The following PLAGL1 variants were observed in gnomAD, a reference collection of about 807,000 sequenced individuals.
PLAGL1 encodes PLAG1 like zinc finger 1, also known as zinc finger protein PLAGL1.
In PLAGL1, 1 loss-of-function variant was observed where a neutral mutation model predicts 4.6. The observed-to-expected ratio is 0.22, with a 90% CI of 0.08 to 1.03. The LOEUF (loss-of-function observed/expected upper bound fraction) is 1.03. Ranked by LOEUF, PLAGL1 falls within the 50% of genes least tolerant of loss-of-function variation. The pLI is 0.58. For synonymous variants in PLAGL1, 240 were observed against 237.8 expected (o/e 1.01, Z -0.08); for missense variants, 464 against 570.4 (o/e 0.81, Z 1.90).
rs998840544 is a variant in PLAGL1, at chr6:144,004,034, A to G, written c.-584+4056T>C. Among the ~76,000 whole-genome samples the G allele has an allele frequency of 6.6e-6, 1 of 152,232 alleles. No homozygotes were observed. Among genetic ancestry groups the G allele is most frequent in the Admixed American group, 6.5e-5 (1 of 15,284 alleles). Reference sequence around the variant, plus strand: ...AATGAATAAGTAAATTGCTCATATTATATATCCACATAATGTAATACCGTA... The same window carrying G: ...AATGAATAAGTAAATTGCTCATATTGTATATCCACATAATGTAATACCGTA... On this transcript the variant is annotated intron_variant, in intron 1 of 7. Transcript: ENST00000674357. The surrounding 1 kb of genome is among the most constrained non-coding windows in gnomAD (Gnocchi z 4.2).
Position 143,958,458 on chromosome 6 carries a change from T to C in PLAGL1, c.-325+2011A>G, listed in dbSNP as rs915155360. Among the ~76,000 whole-genome samples the C allele has an allele frequency of 6.6e-6, 1 of 152,232 alleles. No individual in the cohort carries two copies. Among genetic ancestry groups the C allele is most frequent in the Non-Finnish European group, 1.5e-5 (1 of 68,044 alleles). ...AGTAAACTGTGTACATGCATGGTTATGTGAGAAAAGTGAAGCTGCTGCACC... is the reference window on the plus strand; with the variant it reads ...AGTAAACTGTGTACATGCATGGTTACGTGAGAAAAGTGAAGCTGCTGCACC... On this transcript the variant is annotated intron_variant, in intron 6 of 7. Coordinates refer to ENST00000674357, the MANE Select transcript of PLAGL1 (RefSeq NM_001317162.2). This position sits in a 1 kb window ranked among gnomAD's most constrained non-coding sequence, Gnocchi z 5.1.
intron 1 of PLAGL1, among the ~76,000 whole-genome samples, chr6:144,028,811 G>C: frequency 6.6e-6 from 1 of 152,144 alleles, no homozygotes. Flanking sequence ...TATCATCCAT[G>C]ATGCTGTATT....
chr6:144,001,317 T>G (rs909506053), intron 1 of PLAGL1, among the ~76,000 whole-genome samples: 4 of 151,780 alleles, frequency 2.6e-5, no homozygotes, highest in Admixed American at 6.6e-5. Flanking sequence ...TAAATAAATA[T>G]CCATCAATAT....
chr6:143,948,433 G>A lies in PLAGL1; in HGVS notation c.-297C>T. On this transcript the variant is annotated 5_prime_UTR_variant, in exon 7 of 8. The change creates a premature stop within an existing upstream ORF in the 5' untranslated region. Transcript: ENST00000674357. The surrounding 1 kb of genome is among the most constrained non-coding windows in gnomAD (Gnocchi z 6.0). ...AAAGGTAATCTGCATCACTATAGCT[G>A]GGGCATGTCCTGGGTCCCCCGGATT... 1 of 316,838 alleles carries A rather than the reference G, an allele frequency of 3.2e-6. No homozygotes were observed. Among genetic ancestry groups the A allele is most frequent in the Non-Finnish European group, 6.0e-6 (1 of 166,450 alleles). The allele number at this position is 316,838 out of a possible 1,614,324, so 19.6% of individuals were successfully genotyped here. A position where few individuals can be genotyped will look rare whatever the true frequency, so the allele number is the denominator to read the frequency against.
At chr6:144,018,486 A>G (rs1471696866) in intron 1 of PLAGL1, among the ~76,000 whole-genome samples, 1 of 152,210 alleles carries the variant, frequency 6.6e-6, no homozygotes, top group Non-Finnish European at 1.5e-5. Flanking sequence ...TCGTTAATAT[A>G]ATTTATTGTA....
intron 7 of PLAGL1, among the ~76,000 whole-genome samples, chr6:143,943,067 A>G (rs1779011181): frequency 8.9e-6 from 1 of 112,344 alleles, no homozygotes; most frequent in South Asian, 3.2e-4. Context: ...AGGTCTCACT[A>G]TACCCACGCT....
chr6:144,026,041 C>A (rs1796318072), intron 1 of PLAGL1, among the ~76,000 whole-genome samples: 1 of 152,152 alleles, frequency 6.6e-6, no homozygotes, highest in South Asian at 2.1e-4. Flanking sequence ...AAGAATTTCT[C>A]CAGTTTATCC....
At chr6:144,011,938 A>G (rs1795219232), upstream of PLAGL1, among the ~76,000 whole-genome samples, 1 of 152,186 alleles carries the variant, frequency 6.6e-6, no homozygotes, top group South Asian at 2.1e-4. This position sits in a 1 kb window ranked among gnomAD's most constrained non-coding sequence, Gnocchi z 4.3. Context: ...GTTCCTCAAC[A>G]TCTCACAGGT....
intron 1 of PLAGL1, among the ~76,000 whole-genome samples, chr6:144,019,994 C>A (rs545694680): frequency 6.6e-6 from 1 of 152,020 alleles, no homozygotes; most frequent in Non-Finnish European, 1.5e-5. Flanking sequence ...ATCATAATCC[C>A]CAATGTGATT....
At chr6:143,991,281 G>C (rs1452357500) in intron 1 of PLAGL1, among the ~76,000 whole-genome samples, 1 of 152,166 alleles carries the variant, frequency 6.6e-6, no homozygotes, top group African/African-American at 2.4e-5. Context: ...GACCAACTAA[G>C]TTCAAAGCTA....
At position 143,947,970 on chromosome 6, in the gene PLAGL1, G is replaced by T; in HGVS notation, c.152+15C>A. The T allele has an allele frequency of 1.9e-6, 3 of 1,609,598 alleles. No homozygotes were observed. The highest frequency in any genetic ancestry group is 2.6e-6 in the Non-Finnish European group (3 of 1,176,248). ...CGTACTTCTAAAAGTGCATACCTTT[G>T]CCAAAGCCTCTCACCTCATCAATTT... On this transcript the variant is annotated intron_variant, in intron 7 of 7. Transcript: ENST00000674357. This position sits in a 1 kb window ranked among gnomAD's most constrained non-coding sequence, Gnocchi z 4.3.
At position 144,031,004 on chromosome 6, in the gene PLAGL1, G is replaced by A. The variant is rs771155207; in HGVS notation, c.-151+33464C>T. ...ACAATATATGTGTTCCCTTTCCACC[G>A]CATCCACACCAACATCTGTATTTTT... On this transcript the variant is annotated intron_variant, in intron 1 of 3. Transcript: ENST00000437412. Among the ~76,000 whole-genome samples the A allele has an allele frequency of 3.6e-4, 54 of 151,170 alleles. 1 individual carries two copies. The highest frequency in any genetic ancestry group is 5.9e-4 in the Non-Finnish European group (40 of 67,676).
chr6:143,965,252 T>C lies in PLAGL1; in HGVS notation c.-430-434A>G, dbSNP rs1166220235. Reference sequence around the variant, plus strand: ...GTCACGTTATCCAAACAAATTCCACTTGAGTTCCGTGGCTGAATGTCTGAG... The same window carrying C: ...GTCACGTTATCCAAACAAATTCCACCTGAGTTCCGTGGCTGAATGTCTGAG... On this transcript the variant is annotated intron_variant, in intron 4 of 7. Coordinates refer to ENST00000674357, the MANE Select transcript of PLAGL1 (RefSeq NM_001317162.2). This position sits in a 1 kb window ranked among gnomAD's most constrained non-coding sequence, Gnocchi z 7.5. The C allele has an allele frequency of 6.6e-6, 1 of 152,168 alleles. No homozygotes were observed. Among genetic ancestry groups the C allele is most frequent in the Non-Finnish European group, 1.5e-5 (1 of 68,032 alleles). 9.4% of individuals were successfully genotyped at this position (152,168 alleles called of 1,614,324 possible).
At chr6:143,993,932 T>C (rs549851158) in intron 1 of PLAGL1, among the ~76,000 whole-genome samples, 1 of 152,082 alleles carries the variant, frequency 6.6e-6, no homozygotes, top group Non-Finnish European at 1.5e-5. Flanking sequence ...TCAGCTGAAG[T>C]CTTAAAACGA....
rs1799639108 is a variant in PLAGL1 at position 144,064,053 on chromosome 6, A to C, written c.-151+415T>G. On this transcript the variant is annotated intron_variant, in intron 1 of 3. Coordinates refer to the PLAGL1 transcript ENST00000437412. This position sits in a 1 kb window ranked among gnomAD's most constrained non-coding sequence, Gnocchi z 6.8. Reference sequence around the variant, plus strand: ...CGTCTGCGCAGACAGCCCCGCCCCCAGCCTCGGAGAGCACAGGACCCGGGA... The same window carrying C: ...CGTCTGCGCAGACAGCCCCGCCCCCCGCCTCGGAGAGCACAGGACCCGGGA... Among the ~76,000 whole-genome samples, 1 of 152,068 alleles carries C rather than the reference A, an allele frequency of 6.6e-6. No homozygotes were observed. Among genetic ancestry groups the C allele is most frequent in the Non-Finnish European group, 1.5e-5 (1 of 67,970 alleles).
At chr6:143,956,398 C>T (rs2128544904) in intron 6 of PLAGL1, among the ~76,000 whole-genome samples, 1 of 152,252 alleles carries the variant, frequency 6.6e-6, no homozygotes, top group Admixed American at 6.5e-5. Context: ...CTCAAAATCC[C>T]CCCAGCTCCT....
rs530541145 is a variant in PLAGL1 at position 143,994,039 on chromosome 6, GAAA to G, written c.-583-8868_-583-8866del. 7.7e-6 allele frequency among the ~76,000 whole-genome samples: 1 copy of G among 129,796 alleles called. No individual in the cohort carries two copies. The allele number at this position is 129,796 out of a possible 152,430, so 85.2% of individuals were successfully genotyped here. On this transcript the variant is annotated intron_variant, in intron 1 of 7. Transcript: ENST00000674357. This position sits in a 1 kb window ranked among gnomAD's most constrained non-coding sequence, Gnocchi z 4.3. ...AATGTTCACTTCATATATGGCTAAGGAAAAAAAAAAAAAGAAAAGAACTCCCTA... is the reference window on the plus strand; with the variant it reads ...AATGTTCACTTCATATATGGCTAAGGAAAAAAAAAAGAAAAGAACTCCCTA...
Position 143,949,731 on chromosome 6 carries a change from G to T in PLAGL1, c.-324-1271C>A, listed in dbSNP as rs967431909. 1.3e-5 allele frequency among the ~76,000 whole-genome samples: 2 copies of T among 152,184 alleles called. No homozygotes were observed. The highest frequency in any genetic ancestry group is 4.8e-5 in the African/African-American group (2 of 41,444). On this transcript the variant is annotated intron_variant, in intron 6 of 7. Transcript: ENST00000674357. This position sits in a 1 kb window ranked among gnomAD's most constrained non-coding sequence, Gnocchi z 5.3. Reference sequence around the variant, plus strand: ...CACAGGCCAGCATTTGCTGAACTTTGCCAGTAAGCAGGGCACTTCATGGTA... The same window carrying T: ...CACAGGCCAGCATTTGCTGAACTTTTCCAGTAAGCAGGGCACTTCATGGTA...
intron 1 of PLAGL1, among the ~76,000 whole-genome samples, chr6:144,054,039 T>A (rs1798764034): frequency 2.0e-5 from 3 of 150,584 alleles, no homozygotes; most frequent in Admixed American, 2.0e-4. Context: ...GGTCTTAACT[T>A]ACTTATGTCA....
Sources: allele counts gnomAD v4.1 joint callset (sites outside exome capture counted in the v4.1 genomes callset), GRCh38; gene constraint gnomAD v4.1.1; non-coding constraint Gnocchi (gnomAD v3.1); transcripts MANE v1.5; gene names NCBI Gene and HGNC (gene_info 2026-07-23, HGNC 2026-07-21).